Variants in C22orf15 observed in about 807,000 individuals in gnomAD.
The protein encoded by C22orf15 is chromosome 22 open reading frame 15.
A neutral mutation model predicts 20.3 loss-of-function variants in C22orf15; 21 were observed. The ratio of observed to expected loss-of-function variants is 1.04; its 90% CI spans 0.74 to 1.49. C22orf15 has a LOEUF of 1.49. C22orf15 is among the 40% of genes most tolerant of loss of function. C22orf15 has a pLI of 0.00. For synonymous variants in C22orf15, 78 were observed against 75.4 expected, an observed-to-expected ratio of 1.03 and a Z score of -0.18; for missense variants, 170 against 191.1, an observed-to-expected ratio of 0.89 and a Z score of 0.65.
At chr22:23,763,569 A>G (rs574572151) in intron 1 of C22orf15, among the ~76,000 whole-genome samples, 4 of 152,378 alleles carry the variant, frequency 2.6e-5, no homozygotes, top group African/African-American at 9.6e-5. Flanking sequence ...TCTCGGCCAG[A>G]GACCGCCGCA....
rs773971701 is a variant in C22orf15, at chr22:23,765,498, G to C, written c.436-223G>C. The C allele has an allele frequency of 6.4e-6, 10 of 1,550,638 alleles. No homozygotes were observed. The South Asian group carries it at 9.5e-5, about 15-fold the overall frequency. On this transcript the variant is annotated intron_variant, in intron 5 of 5. Coordinates refer to ENST00000402217, the MANE Select transcript of C22orf15 (RefSeq NM_182520.3). ...AGGCCGCCAGGGGCACCTAAGCTGTGGGTGCAGAGAATGGGATGCAGAGGT... is the reference window on the plus strand; with the variant it reads ...AGGCCGCCAGGGGCACCTAAGCTGTCGGTGCAGAGAATGGGATGCAGAGGT...
chr22:23,764,082 C>T lies in C22orf15; in HGVS notation c.26-5C>T, dbSNP rs1189332877. The T allele has an allele frequency of 1.9e-6, 3 of 1,550,398 alleles. No individual in the cohort carries two copies. The highest frequency in any genetic ancestry group is 4.9e-5 in the East Asian group (2 of 40,920). On this transcript the variant is annotated splice_region_variant and splice_polypyrimidine_tract_variant and intron_variant, in intron 1 of 5. Coordinates refer to ENST00000402217, the MANE Select transcript of C22orf15 (RefSeq NM_182520.3). ...TCACAGGCTCACCTTTGCCCCTCTC[C>T]ACAGCTGGCTGCTCGGTGCTGGTGA...
Position 23,765,187 on chromosome 22 carries a change from C to G in C22orf15, c.435+285C>G, listed in dbSNP as rs911966022. On this transcript the variant is annotated intron_variant, in intron 5 of 5. Coordinates refer to ENST00000402217, the MANE Select transcript of C22orf15 (RefSeq NM_182520.3). Reference sequence around the variant, plus strand: ...CATAGGGGCTGGCACACAGTAGGAGCTCAGTGCACAACTGCTGGATGAACT... The same window carrying G: ...CATAGGGGCTGGCACACAGTAGGAGGTCAGTGCACAACTGCTGGATGAACT... 4 of 1,441,848 alleles carry G rather than the reference C, an allele frequency of 2.8e-6. No homozygotes were observed. In the African/African-American group the frequency reaches 4.3e-5, roughly 15 times the overall value. 89.3% of individuals were successfully genotyped at this position (1,441,848 alleles called of 1,614,324 possible). A position where few individuals can be genotyped will look rare whatever the true frequency, so the allele number is the denominator to read the frequency against.
chr22:23,763,333 T>C lies in C22orf15; in HGVS notation c.25+2T>C, dbSNP rs1926014007. ...TGTTTATCAAGGTGATGTTTGGGGGTAAGTGGGGTCCCCTGTCTTGGTAGG... is the reference window on the plus strand; with the variant it reads ...TGTTTATCAAGGTGATGTTTGGGGGCAAGTGGGGTCCCCTGTCTTGGTAGG... On this transcript the variant is annotated splice_donor_variant, in intron 1 of 5. Coordinates refer to ENST00000402217, the MANE Select transcript of C22orf15 (RefSeq NM_182520.3). LOFTEE classifies it high-confidence loss of function. 4 of 1,547,944 alleles carry C rather than the reference T, an allele frequency of 2.6e-6. No individual in the cohort carries two copies. The highest frequency in any genetic ancestry group is 2.7e-5 in the African/African-American group (2 of 72,816).
intron 1 of C22orf15, 117 bp downstream of exon 1, chr22:23,763,448 C>G (rs1926046914): frequency 8.6e-7 from 1 of 1,163,564 alleles, no homozygotes; most frequent in Non-Finnish European, 1.2e-6. Context: ...GGGTGGTGCA[C>G]ATGGCGGGGG....
intron 1 of C22orf15, 51 bp from the exon 2 acceptor site, chr22:23,764,036 T>A: frequency 6.6e-7 from 1 of 1,523,570 alleles, no homozygotes; most frequent in Non-Finnish European, 8.9e-7. Flanking sequence ...AGGACCCCGA[T>A]TTGGAGGAAG....
chr22:23,765,201 G>C (rs1426338699), intron 5 of C22orf15: 12 of 1,449,080 alleles, frequency 8.3e-6, no homozygotes, highest in Non-Finnish European at 7.2e-6. Context: ...GTGCACAACT[G>C]CTGGATGAAC....
intron 3 of C22orf15, 65 bp from the exon 4 acceptor site, chr22:23,764,570 AGAGT>A: frequency 6.3e-7 from 1 of 1,580,928 alleles, no homozygotes; most frequent in Non-Finnish European, 8.7e-7. Flanking sequence ...AAACAGTTCC[AGAGT>A]GAGAGGCAGA....
At position 23,762,992 on chromosome 22, in the gene C22orf15, A is replaced by T; in HGVS notation, c.-315A>T. On this transcript the variant is annotated 5_prime_UTR_variant, in exon 1 of 6. An upstream start codon of the reference 5' UTR is lost. Coordinates refer to ENST00000402217, the MANE Select transcript of C22orf15 (RefSeq NM_182520.3). ...AGGGAGGAAGGCATTTCCTGCCTAG[A>T]TGTCTCCGCCCCCACTGCCATGGAG... is the stretch of plus-strand genomic sequence containing the variant. 1 of 414,986 alleles carries T rather than the reference A, an allele frequency of 2.4e-6. No individual in the cohort carries two copies. Among genetic ancestry groups the T allele is most frequent in the Non-Finnish European group, 4.3e-6 (1 of 233,662 alleles). 25.7% of individuals were successfully genotyped at this position (414,986 alleles called of 1,614,324 possible).
At chr22:23,765,075 A>G in intron 5 of C22orf15, 173 bp downstream of exon 5, 2 of 1,453,844 alleles carry the variant, frequency 1.4e-6, no homozygotes, top group Non-Finnish European at 1.8e-6. Context: ...CAGATGGAAC[A>G]CACTGTACCC....
At position 23,764,370 on chromosome 22, in the gene C22orf15, G is replaced by C. The variant is rs1244137040; in HGVS notation, c.223G>C (p.Ala75Pro). The change falls in exon 3 of 6, where the codon GCC (alanine) becomes CCC (proline). Residue 75 changes from alanine to proline, a missense_variant. Transcript: ENST00000402217. ...GGGCAACTCCCTACTGAAGGAGCGA[G>C]CCATATATGTCCTCGTTCGGATCAT... is the stretch of plus-strand genomic sequence containing the variant. ...TMGNSLLKER[A>P]IYVLVRIIKG... The C allele has an allele frequency of 1.3e-6, 2 of 1,552,968 alleles. No individual in the cohort carries two copies. Among genetic ancestry groups the C allele is most frequent in the African/African-American group, 2.7e-5 (2 of 73,068 alleles).
At chr22:23,763,690 C>A (rs1189599676) in intron 1 of C22orf15, among the ~76,000 whole-genome samples, 1 of 152,204 alleles carries the variant, frequency 6.6e-6, no homozygotes, top group African/African-American at 2.4e-5. Flanking sequence ...TTGCAGGGTC[C>A]CCGTGCCTCT....
At position 23,763,212 on chromosome 22, in the gene C22orf15, C is replaced by A; in HGVS notation, c.-95C>A. 1 of 1,506,246 alleles carries A rather than the reference C, an allele frequency of 6.6e-7. No homozygotes were observed. The highest frequency in any genetic ancestry group is 9.0e-7 in the Non-Finnish European group (1 of 1,110,734). The allele number at this position is 1,506,246 out of a possible 1,614,324, so 93.3% of individuals were successfully genotyped here. A position where few individuals can be genotyped will look rare whatever the true frequency, so the allele number is the denominator to read the frequency against. ...ATCCACTTCTCCCTCCAGAGCCCGGCCCTGAAGCAGGTCTCTGCTCCACGC... is the reference window on the plus strand; with the variant it reads ...ATCCACTTCTCCCTCCAGAGCCCGGACCTGAAGCAGGTCTCTGCTCCACGC... On this transcript the variant is annotated 5_prime_UTR_variant, in exon 1 of 6. Transcript: ENST00000402217.
chr22:23,763,161 T>C lies in C22orf15; in HGVS notation c.-146T>C, dbSNP rs1029955903. On this transcript the variant is annotated 5_prime_UTR_variant, in exon 1 of 6. Transcript: ENST00000402217. ...AGGTGGCTGAGCAGGGGCCTGGCCC[T>C]GGGACCCAGCCATCCACACTCACAC... The C allele has an allele frequency of 6.4e-5, 72 of 1,132,392 alleles. No homozygotes were observed. Among genetic ancestry groups the C allele is most frequent in the Non-Finnish European group, 8.3e-5 (65 of 787,614 alleles). 70.1% of individuals were successfully genotyped at this position (1,132,392 alleles called of 1,614,324 possible).
Position 23,764,840 on chromosome 22 carries a change from A to T in C22orf15, c.373A>T (p.Arg125Trp), listed in dbSNP as rs1351531651. Reference protein sequence around the residue: ...SGLSSVGHNWRKRMGTRRGRH... With the variant: ...SGLSSVGHNWWKRMGTRRGRH... ...CCTCTCCTCTGTGGGCCACAACTGG[A>T]GGAAGCGTATGGGCACTCGGCGAGG... The change falls in exon 5 of 6, where the codon AGG becomes TGG. Residue 125 changes from arginine (R) to tryptophan (W), a missense_variant. Physicochemically the swap from Arg to Trp is moderately radical, Grantham distance 101. Transcript: ENST00000402217. 6.8e-6 allele frequency: 11 copies of T among 1,613,824 alleles called. No homozygotes were observed. The highest frequency in any genetic ancestry group is 1.3e-5 in the African/African-American group (1 of 74,936).
At position 23,763,099 on chromosome 22, in the gene C22orf15, G is replaced by A; in HGVS notation, c.-208G>A. On this transcript the variant is annotated 5_prime_UTR_variant, in exon 1 of 6. Transcript: ENST00000402217. Reference sequence around the variant, plus strand: ...GGAGGCCAGGAGTCTTGGACTAGCTGCAGGGTTTGAGCTAGGCTGAAGCAG... The same window carrying A: ...GGAGGCCAGGAGTCTTGGACTAGCTACAGGGTTTGAGCTAGGCTGAAGCAG... 1 of 613,738 alleles carries A rather than the reference G, an allele frequency of 1.6e-6. No individual in the cohort carries two copies. Among genetic ancestry groups the A allele is most frequent in the South Asian group, 2.1e-5 (1 of 47,164 alleles). 38.0% of individuals were successfully genotyped at this position (613,738 alleles called of 1,614,324 possible).
At chr22:23,763,453 CG>C in intron 1 of C22orf15, 122 bp downstream of exon 1, 1 of 802,738 alleles carries the variant, frequency 1.2e-6, no homozygotes. Context: ...GTGCACATGG[CG>C]GGGGTCGTCG....
chr22:23,765,342 G>GTCTGA, intron 5 of C22orf15: 1 of 1,549,848 alleles, frequency 6.5e-7, no homozygotes, highest in Non-Finnish European at 8.7e-7. Flanking sequence ...TCAGACCCAA[G>GTCTGA]GGGGTTAGCC....
Position 23,763,009 on chromosome 22 carries a change from G to A in C22orf15, c.-298G>A. 2 of 461,714 alleles carry A rather than the reference G, an allele frequency of 4.3e-6. No homozygotes were observed. The highest frequency in any genetic ancestry group is 2.9e-5 in the South Asian group (1 of 34,366). 28.6% of individuals were successfully genotyped at this position (461,714 alleles called of 1,614,324 possible). A position where few individuals can be genotyped will look rare whatever the true frequency, so the allele number is the denominator to read the frequency against. On this transcript the variant is annotated 5_prime_UTR_variant, in exon 1 of 6. Coordinates refer to ENST00000402217, the MANE Select transcript of C22orf15 (RefSeq NM_182520.3). ...CTGCCTAGATGTCTCCGCCCCCACT[G>A]CCATGGAGACCAGCTTGGAAGCTTA...
Sources: gnomAD v4.1 joint callset for allele counts (sites outside exome capture counted in the v4.1 genomes callset) on GRCh38, gnomAD v4.1.1 for gene constraint, MANE v1.5 for transcripts, NCBI Gene and HGNC (gene_info 2026-07-23, HGNC 2026-07-21) for gene names.